Variants in NAALAD2 observed in about 807,000 individuals in gnomAD.
The protein encoded by NAALAD2 is N-acetylated alpha-linked acidic dipeptidase 2, also known as N-acetylated-alpha-linked acidic dipeptidase 2.
In NAALAD2, 89 loss-of-function variants were observed where a neutral mutation model predicts 95.6. The observed-to-expected ratio is 0.93, with a 90% CI of 0.78 to 1.11. NAALAD2 has a LOEUF of 1.11. Ranked by LOEUF, NAALAD2 falls within the 50% of genes least tolerant of loss-of-function variation. The pLI is 0.00. For missense variants in NAALAD2, 894 were observed against 872.4 expected, an observed-to-expected ratio of 1.02 and a Z score of -0.31; for synonymous variants, 264 against 294.4, an observed-to-expected ratio of 0.90 and a Z score of 1.06.
chr11:90,146,343 A>ATTTTTTTTTTTTT (rs71477596), intron 2 of NAALAD2, among the ~76,000 whole-genome samples: 12 of 47,956 alleles, frequency 2.5e-4, no homozygotes, highest in Admixed American at 3.4e-4. Context: ...GGGGAGTTTA[A>ATTTTTTTTTTTTT]TTTTTTTTTT....
chr11:90,179,825 CCTA>C (rs1952909246), intron 16 of NAALAD2, among the ~76,000 whole-genome samples: 1 of 152,080 alleles, frequency 6.6e-6, no homozygotes, highest in African/African-American at 2.4e-5. Flanking sequence ...AATTCTTCTA[CCTA>C]CTTACCTTCT....
At chr11:90,137,799 TTTGTTG>T (rs544029888) in intron 2 of NAALAD2, among the ~76,000 whole-genome samples, 4 of 151,754 alleles carry the variant, frequency 2.6e-5, no homozygotes, top group South Asian at 2.1e-4. Context: ...TTTTATTTAT[TTTGTTG>T]TTGTTGTTGT....
intron 11 of NAALAD2, among the ~76,000 whole-genome samples, chr11:90,165,548 GAAT>G (rs1952417039): frequency 6.6e-6 from 1 of 152,078 alleles, no homozygotes. Flanking sequence ...ACTATAATAG[GAAT>G]AATATGAATT....
intron 11 of NAALAD2, chr11:90,164,225 A>G (rs1297966361): frequency 6.6e-6 from 1 of 152,376 alleles, no homozygotes; most frequent in East Asian, 1.9e-4. Flanking sequence ...TTTTCTTCAC[A>G]TATGATTGTC....
intron 13 of NAALAD2, among the ~76,000 whole-genome samples, chr11:90,172,441 G>A (rs368572509): frequency 6.5e-4 from 99 of 152,222 alleles, no homozygotes; most frequent in African/African-American, 2.2e-3. Flanking sequence ...GTTATCAGTA[G>A]ACACAACACA....
chr11:90,173,086 T>C (rs967260878), intron 13 of NAALAD2, among the ~76,000 whole-genome samples: 2 of 152,138 alleles, frequency 1.3e-5, no homozygotes, highest in African/African-American at 4.8e-5. Context: ...GTCCACAATG[T>C]TTTCACCACA....
intron 12 of NAALAD2, among the ~76,000 whole-genome samples, 195 bp from the exon 13 acceptor site, chr11:90,169,874 A>G (rs905723523): frequency 7.2e-5 from 11 of 152,202 alleles, no homozygotes; most frequent in Admixed American, 5.9e-4. Context: ...AAGACCTTCT[A>G]CTATTCAGAA....
At chr11:90,133,837 T>G (rs549795939), upstream of NAALAD2, among the ~76,000 whole-genome samples, 263 of 152,132 alleles carry the variant, frequency 1.7e-3, 1 homozygote, top group Middle Eastern at 3.4e-3. Flanking sequence ...CTCTTTTTTT[T>G]TTTGTTTGTT....
intron 12 of NAALAD2, 140 bp from the exon 13 acceptor site, chr11:90,169,929 T>A: frequency 4.7e-6 from 3 of 638,928 alleles, no homozygotes; most frequent in Non-Finnish European, 8.4e-6. Flanking sequence ...ATTTCCACCC[T>A]GTTTTATTCT....
chr11:90,161,406 A>G (rs546116544), intron 8 of NAALAD2, among the ~76,000 whole-genome samples: 1 of 152,296 alleles, frequency 6.6e-6, no homozygotes, highest in Non-Finnish European at 1.5e-5. Context: ...AGTTTTTCCC[A>G]ATTTTTCCTT....
chr11:90,179,573 A>G (rs987655448), intron 16 of NAALAD2, among the ~76,000 whole-genome samples: 2 of 152,168 alleles, frequency 1.3e-5, no homozygotes, highest in African/African-American at 4.8e-5. Flanking sequence ...TGTTTATATC[A>G]ATACAATTGG....
chr11:90,181,612 T>TA lies in NAALAD2; in HGVS notation c.1859-2dup. ...AATTTCTCTTCTTCTTTTCTATTTT[T>TA]AAAAAAGACTCCTTATTTTCTGCTG... On this transcript the variant is annotated splice_region_variant and splice_polypyrimidine_tract_variant and intron_variant, in intron 16 of 18. Coordinates refer to ENST00000534061, the MANE Select transcript of NAALAD2 (RefSeq NM_005467.4). 6.3e-7 allele frequency: 1 copy of TA among 1,575,880 alleles called. No homozygotes were observed. Among genetic ancestry groups the TA allele is most frequent in the Non-Finnish European group, 8.7e-7 (1 of 1,152,092 alleles).
At chr11:90,180,870 C>T (rs144575225) in intron 16 of NAALAD2, among the ~76,000 whole-genome samples, 2 of 152,058 alleles carry the variant, frequency 1.3e-5, no homozygotes, top group East Asian at 1.9e-4. Context: ...GTGCTCTGAG[C>T]ACTACATTGA....
intron 2 of NAALAD2, among the ~76,000 whole-genome samples, chr11:90,138,899 A>T (rs1437943375): frequency 6.6e-6 from 1 of 151,858 alleles, no homozygotes; most frequent in African/African-American, 2.4e-5. Context: ...CATTTTCTAT[A>T]ACAATGATGG....
At chr11:90,186,781 C>G (rs1857155995) in intron 18 of NAALAD2, among the ~76,000 whole-genome samples, 1 of 145,270 alleles carries the variant, frequency 6.9e-6, no homozygotes, top group African/African-American at 2.6e-5. Context: ...GACTTCATGT[C>G]CAAAACACCA....
intron 2 of NAALAD2, among the ~76,000 whole-genome samples, chr11:90,137,090 G>C (rs984976508): frequency 6.6e-5 from 10 of 152,068 alleles, no homozygotes; most frequent in African/African-American, 2.4e-4. Context: ...ATTATATTAA[G>C]TGAAATAAGC....
intron 6 of NAALAD2, 35 bp downstream of exon 6, chr11:90,152,519 A>G: frequency 3.9e-6 from 6 of 1,530,422 alleles, no homozygotes; most frequent in Non-Finnish European, 5.4e-6. Flanking sequence ...CCAATTTTGC[A>G]AAAATACTCC....
intron 6 of NAALAD2, among the ~76,000 whole-genome samples, chr11:90,154,084 TTTC>T (rs1263239633): frequency 3.3e-5 from 5 of 151,892 alleles, no homozygotes; most frequent in African/African-American, 1.2e-4. Flanking sequence ...TCTTTCTCTC[TTTC>T]TTCTTTTTGC....
At chr11:90,134,252 C>T (rs1020070539), upstream of NAALAD2, among the ~76,000 whole-genome samples, 1 of 152,080 alleles carries the variant, frequency 6.6e-6, no homozygotes, top group Admixed American at 6.5e-5. Context: ...ACAGTGATTG[C>T]GGTATTAGTG....
Sources: allele counts gnomAD v4.1 joint callset (sites outside exome capture counted in the v4.1 genomes callset), GRCh38; gene constraint gnomAD v4.1.1; transcripts MANE v1.5; gene names NCBI Gene and HGNC (gene_info 2026-07-23, HGNC 2026-07-21).